RRP12: variants seen among roughly 807,000 people sequenced by gnomAD.
The protein encoded by RRP12 is ribosomal RNA processing 12 homolog.
RRP12 carries 78 observed loss-of-function variants against 157.3 expected under a neutral mutation model. That is an observed-to-expected ratio of 0.50 (90% CI 0.41 to 0.60). The LOEUF is 0.60. Among genes scored for constraint, RRP12 ranks in the 20% least tolerant of loss-of-function variants. RRP12 has a pLI of 0.00. For synonymous variants in RRP12, 726 were observed against 670.9 expected (o/e 1.08, Z -1.27); for missense variants, 1,521 against 1,679.9 (o/e 0.91, Z 1.65).
chr10:97,363,884 A>T lies in RRP12; in HGVS notation c.3537T>A (p.Ala1179=), dbSNP rs182848502. 1.2e-6 allele frequency: 2 copies of T among 1,614,142 alleles called. No homozygotes were observed. The highest frequency in any genetic ancestry group is 1.3e-5 in the African/African-American group (1 of 75,052). The change falls in exon 30 of 34, where the codon GCT becomes GCA. Residue 1179 remains alanine, a synonymous_variant. Coordinates refer to ENST00000370992, the MANE Select transcript of RRP12 (RefSeq NM_015179.4). ...EGAKGEDEEM[A]DPMEDVIIRN... ...TGATGATCACATCTTCCATTGGGTC[A>T]GCCATCTCTTCATCTTCGCCTGGAG... is the stretch of plus-strand genomic sequence containing the variant.
chr10:97,358,463 CCTT>C, intron 33 of RRP12, 71 bp downstream of exon 33: 1 of 1,113,776 alleles, frequency 9.0e-7, no homozygotes, highest in South Asian at 1.3e-5. Context: ...TAAGGCCTTC[CCTT>C]CTTTAGAGCA....
chr10:97,367,053 A>G lies in RRP12; in HGVS notation c.3035T>C (p.Ile1012Thr). Residue 1012 changes from isoleucine to threonine, a missense_variant, in exon 26 of 34, where the codon ATC becomes ACC. Transcript: ENST00000370992. ...TCAGTGCACAGACCCAAACTTGCGG[A>G]TGAACTTGGTGAACAGGTTCCGAAG... ...MKLRNLFTKF[I>T]RKFGFELVKR... is the part of the protein sequence containing the mutation. The G allele has an allele frequency of 6.2e-7, 1 of 1,614,194 alleles. No individual in the cohort carries two copies. Among genetic ancestry groups the G allele is most frequent in the Non-Finnish European group, 8.5e-7 (1 of 1,180,016 alleles).
chr10:97,372,417 T>C (rs1186309702), intron 19 of RRP12, among the ~76,000 whole-genome samples: 1 of 152,182 alleles, frequency 6.6e-6, no homozygotes, highest in Admixed American at 6.5e-5. Flanking sequence ...CAAGAACTAT[T>C]ATCGTGCCCA....
Position 97,381,283 on chromosome 10 carries a change from T to C in RRP12, c.1418+103A>G, listed in dbSNP as rs893759470. The C allele has an allele frequency of 1.6e-5, 14 of 849,308 alleles. No homozygotes were observed. In the South Asian group the frequency reaches 2.6e-4, roughly 16 times the overall value. The allele number at this position is 849,308 out of a possible 1,614,324, so 52.6% of individuals were successfully genotyped here. Reference sequence around the variant, plus strand: ...CTGCAATCCCGTAAAGCACTGCCACTGCAGGCCTGGCCCACAGTAGGTGGA... The same window carrying C: ...CTGCAATCCCGTAAAGCACTGCCACCGCAGGCCTGGCCCACAGTAGGTGGA... On this transcript the variant is annotated intron_variant, in intron 12 of 33. Transcript: ENST00000370992.
chr10:97,383,827 G>A (rs1844536173), intron 10 of RRP12, among the ~76,000 whole-genome samples: 1 of 152,198 alleles, frequency 6.6e-6, no homozygotes. Context: ...CACAGCCAGG[G>A]AGCGGCAAGA....
chr10:97,393,815 G>A (rs2133094910), intron 3 of RRP12, 55 bp from the exon 4 acceptor site: 1 of 1,444,992 alleles, frequency 6.9e-7, no homozygotes, highest in Middle Eastern at 2.0e-4. Flanking sequence ...TGAGCAAACA[G>A]GAAAGAGAGT....
At chr10:97,358,118 A>G (rs1412619143) in intron 33 of RRP12, among the ~76,000 whole-genome samples, 1 of 152,056 alleles carries the variant, frequency 6.6e-6, no homozygotes, top group Non-Finnish European at 1.5e-5. Context: ...GCAGATCATG[A>G]GGTCAAGAGA....
In RRP12 at chr10:97,379,314, C is replaced by G. The variant is rs1447177747; in HGVS notation, c.1777G>C (p.Ala593Pro). The change falls in exon 15 of 34, where the codon GCT becomes CCT. Residue 593 changes from alanine to proline, a missense_variant. Ala to Pro is a conservative substitution (Grantham distance 27). Transcript: ENST00000370992. ...GFFTTYFLPL[A>P]NTLKSKAMDL... ...CTACCTTTGCTCTTCAGGGTGTTAG[C>G]CAGGGGCAAGAAGTAGGTGGTGAAA... is the stretch of plus-strand genomic sequence containing the variant. 12 of 1,614,048 alleles carry G rather than the reference C, an allele frequency of 7.4e-6. No individual in the cohort carries two copies. The highest frequency in any genetic ancestry group is 1.0e-5 in the Non-Finnish European group (12 of 1,179,944).
At chr10:97,367,975 G>A (rs990557028) in intron 25 of RRP12, among the ~76,000 whole-genome samples, 47 of 147,290 alleles carry the variant, frequency 3.2e-4, no homozygotes, top group African/African-American at 1.1e-3. Context: ...CAGGCGATCC[G>A]CCCACCTTGG....
In RRP12 at chr10:97,371,079, G is replaced by C; in HGVS notation, c.2346C>G (p.Ser782Arg). Residue 782 changes from serine (S) to arginine (R), a missense_variant and splice_region_variant, in exon 21 of 34, where the codon AGC becomes AGG. Coordinates refer to ENST00000370992, the MANE Select transcript of RRP12 (RefSeq NM_015179.4). ...LYSTIRPYLE[S>R]KAHGVQKKAY... ...CCTTCTTCTGCACCCCGTGGGCCTTGCTCTGGCAGACAGGAACCGGTGAGG... is the reference window on the plus strand; with the variant it reads ...CCTTCTTCTGCACCCCGTGGGCCTTCCTCTGGCAGACAGGAACCGGTGAGG... 6 of 1,613,222 alleles carry C rather than the reference G, an allele frequency of 3.7e-6. No homozygotes were observed. Among genetic ancestry groups the C allele is most frequent in the Non-Finnish European group, 5.1e-6 (6 of 1,179,786 alleles).
intron 32 of RRP12, 149 bp from the exon 33 acceptor site, chr10:97,358,768 G>C (rs1483542154): frequency 1.3e-6 from 1 of 791,052 alleles, no homozygotes; most frequent in African/African-American, 1.7e-5. Context: ...CATTCAATAA[G>C]GTCCCCCATT....
chr10:97,397,822 G>C (rs1238018665), intron 2 of RRP12, among the ~76,000 whole-genome samples: 1 of 150,154 alleles, frequency 6.7e-6, no homozygotes, highest in African/African-American at 2.5e-5. Flanking sequence ...AGCTTGGTAT[G>C]GTAGCACTCC....
rs531312167 is a variant in RRP12, at chr10:97,375,834, T to C, written c.1799-1940A>G. ...CAGAAAAAAATGCAGCCAGACATGGTGGCTCACACCTGTAATCCCAGCACT... is the reference window on the plus strand; with the variant it reads ...CAGAAAAAAATGCAGCCAGACATGGCGGCTCACACCTGTAATCCCAGCACT... On this transcript the variant is annotated intron_variant, in intron 15 of 33. Transcript: ENST00000370992. Among the ~76,000 whole-genome samples, 6 of 152,340 alleles carry C rather than the reference T, an allele frequency of 3.9e-5. No homozygotes were observed. In the South Asian group the frequency reaches 1.2e-3, roughly 32 times the overall value.
chr10:97,359,864 G>A lies in RRP12; in HGVS notation c.3640+682C>T, dbSNP rs555632360. Among the ~76,000 whole-genome samples, 70 of 152,356 alleles carry A rather than the reference G, an allele frequency of 4.6e-4. 2 individuals are homozygous for A. The highest frequency in any genetic ancestry group is 6.5e-4 in the Non-Finnish European group (44 of 68,036). On this transcript the variant is annotated intron_variant, in intron 31 of 33. Coordinates refer to ENST00000370992, the MANE Select transcript of RRP12 (RefSeq NM_015179.4). ...GCTCATGGGTGCCACAGGCGGAAGA[G>A]CCATGAGGTTGTGCAGCTGCGTTAT...
intron 2 of RRP12, among the ~76,000 whole-genome samples, chr10:97,398,039 A>AG (rs1845030307): frequency 1.8e-5 from 1 of 56,028 alleles, no homozygotes; most frequent in Non-Finnish European, 3.2e-5. Context: ...ATATATACGT[A>AG]TTTTTTTTTT....
chr10:97,366,007 AAG>A, intron 29 of RRP12, 99 bp downstream of exon 29: 1 of 1,480,966 alleles, frequency 6.8e-7, no homozygotes, highest in East Asian at 2.3e-5. Context: ...CTGCCGAGAG[AAG>A]AGTTTCTCTG....
chr10:97,365,125 C>A (rs1271127310), intron 29 of RRP12, among the ~76,000 whole-genome samples: 1 of 152,014 alleles, frequency 6.6e-6, no homozygotes, highest in Non-Finnish European at 1.5e-5. Flanking sequence ...AGAGGCTGAC[C>A]GAGCGGCTGC....
intron 2 of RRP12, among the ~76,000 whole-genome samples, chr10:97,399,843 G>A (rs1845087261): frequency 6.6e-6 from 1 of 152,060 alleles, no homozygotes; most frequent in Non-Finnish European, 1.5e-5. Context: ...GCTTGGGCCT[G>A]GGAGATGGAG....
intron 33 of RRP12, among the ~76,000 whole-genome samples, chr10:97,357,896 T>A (rs531405750): frequency 6.6e-6 from 1 of 151,392 alleles, no homozygotes; most frequent in African/African-American, 2.4e-5. Flanking sequence ...GAGGCAGAGC[T>A]TGCAGTAAGC....
Sources: gnomAD v4.1 joint callset for allele counts (sites outside exome capture counted in the v4.1 genomes callset) on GRCh38, gnomAD v4.1.1 for gene constraint, MANE v1.5 for transcripts, NCBI Gene and HGNC (gene_info 2026-07-23, HGNC 2026-07-21) for gene names.